QTGAL: variants seen among roughly 807,000 people sequenced by gnomAD.
QTGAL encodes BGnT-like protein 1.
chr17:82,961,164 C>T, the QTGAL span: 9 of 1,607,696 alleles, frequency 5.6e-6, no homozygotes, highest in Non-Finnish European at 7.6e-6. Context: ...AGAAGAACAG[C>T]AGGTCCTCCG....
chr17:83,016,196 A>G, the QTGAL span, among the ~76,000 whole-genome samples: 1 of 152,248 alleles, frequency 6.6e-6, no homozygotes, highest in Non-Finnish European at 1.5e-5. Context: ...GTGGAAGAAC[A>G]GCAAAGGTTT....
At chr17:83,005,391 G>A in the QTGAL span, among the ~76,000 whole-genome samples, 5 of 152,126 alleles carry the variant, frequency 3.3e-5, no homozygotes, top group Admixed American at 6.5e-5. This position sits in a 1 kb window ranked among gnomAD's most constrained non-coding sequence, Gnocchi z 5.6. Context: ...AGGGATGCCT[G>A]CTTTTGCTTG....
the QTGAL span, among the ~76,000 whole-genome samples, chr17:82,987,914 T>G: frequency 6.6e-6 from 1 of 152,226 alleles, no homozygotes; most frequent in African/African-American, 2.4e-5. Context: ...CATGGAATAT[T>G]TTTCCATTTG....
chr17:83,048,399 G>A, the QTGAL span: 1 of 1,339,566 alleles, frequency 7.5e-7, no homozygotes. Context: ...TGAACAACAT[G>A]AAACTGTTTC....
chr17:83,048,495 GC>G, the QTGAL span: 3 of 1,612,738 alleles, frequency 1.9e-6, no homozygotes, highest in East Asian at 2.2e-5. Context: ...GGAGAATCGT[GC>G]CCCCCAATGA....
the QTGAL span, among the ~76,000 whole-genome samples, chr17:83,047,050 C>T: frequency 6.6e-6 from 1 of 152,200 alleles, no homozygotes. Context: ...CGAGTGGTTG[C>T]CAGGGTTGGA....
the QTGAL span, chr17:83,005,087 GC>G: frequency 6.4e-7 from 1 of 1,569,536 alleles, no homozygotes; most frequent in Non-Finnish European, 8.7e-7. This position sits in a 1 kb window ranked among gnomAD's most constrained non-coding sequence, Gnocchi z 5.6. Context: ...CTGTGCACCT[GC>G]CCCAGACAAG....
chr17:83,048,511 G>A, the QTGAL span: 443,191 of 1,612,988 alleles, frequency 0.27, 61,776 homozygotes, highest in East Asian at 0.37. Context: ...CAATGATCAC[G>A]TGGACACCAG....
the QTGAL span, among the ~76,000 whole-genome samples, chr17:82,958,120 C>A: frequency 6.6e-6 from 1 of 152,168 alleles, no homozygotes; most frequent in African/African-American, 2.4e-5. Flanking sequence ...CCATCGCTGT[C>A]TGCCTGTGTG....
chr17:83,041,344 T>C, the QTGAL span, among the ~76,000 whole-genome samples: 1 of 152,134 alleles, frequency 6.6e-6, no homozygotes, highest in Non-Finnish European at 1.5e-5. Context: ...AAATAATGGC[T>C]GAAAAATTCT....
chr17:83,013,216 C>A, the QTGAL span, among the ~76,000 whole-genome samples: 1 of 152,198 alleles, frequency 6.6e-6, no homozygotes, highest in Admixed American at 6.5e-5. Context: ...GCCACTGAGC[C>A]CCAGGACCTG....
At chr17:83,027,548 G>A in the QTGAL span, among the ~76,000 whole-genome samples, 1 of 151,944 alleles carries the variant, frequency 6.6e-6, no homozygotes, top group Admixed American at 6.6e-5. Context: ...ATTAAAATAT[G>A]AAGAGGGGCC....
At chr17:82,965,548 C>A in the QTGAL span, 1 of 1,191,922 alleles carries the variant, frequency 8.4e-7, no homozygotes, top group African/African-American at 1.6e-5. Flanking sequence ...TGCAGAGCCC[C>A]GGAGGCATGG....
At chr17:83,036,977 T>A in the QTGAL span, among the ~76,000 whole-genome samples, 1 of 151,796 alleles carries the variant, frequency 6.6e-6, no homozygotes, top group Non-Finnish European at 1.5e-5. Flanking sequence ...TAGCCCAAAA[T>A]GAGGGTGCTG....
the QTGAL span, among the ~76,000 whole-genome samples, chr17:83,032,373 GACCCA>G: frequency 8.4e-6 from 1 of 119,184 alleles, no homozygotes. Flanking sequence ...CCAGGCCTCC[GACCCA>G]GACCGAGCTC....
the QTGAL span, among the ~76,000 whole-genome samples, chr17:83,015,695 T>A: frequency 6.6e-6 from 1 of 152,208 alleles, no homozygotes; most frequent in African/African-American, 2.4e-5. This position sits in a 1 kb window ranked among gnomAD's most constrained non-coding sequence, Gnocchi z 4.4. Context: ...CGGGCGAGCG[T>A]CACGGCCTGA....
the QTGAL span, chr17:83,049,020 G>A: frequency 3.6e-5 from 18 of 493,742 alleles, no homozygotes; most frequent in East Asian, 1.1e-4. Context: ...TTGGGAGGCC[G>A]AGGTGGGTGG....
At chr17:83,049,412 G>A in the QTGAL span, among the ~76,000 whole-genome samples, 2 of 136,818 alleles carry the variant, frequency 1.5e-5, no homozygotes, top group East Asian at 4.3e-4. Flanking sequence ...TAACTGGTTG[G>A]TTTTTTTTTT....
chr17:82,999,682 T>G, the QTGAL span, among the ~76,000 whole-genome samples: 1 of 152,252 alleles, frequency 6.6e-6, no homozygotes, highest in Non-Finnish European at 1.5e-5. Context: ...GGTACTGTAC[T>G]GTATTTATTG....
Sources: gnomAD v4.1 joint callset for allele counts (sites outside exome capture counted in the v4.1 genomes callset) on GRCh38, gnomAD v4.1.1 for gene constraint, Gnocchi (gnomAD v3.1) non-coding constraint, MANE v1.5 for transcripts, NCBI Gene and HGNC (gene_info 2026-07-23, HGNC 2026-07-21) for gene names.